TDRD6: variants seen among roughly 807,000 people sequenced by gnomAD.
TDRD6 encodes the protein tudor domain-containing protein 6.
In TDRD6, 186 loss-of-function variants were observed where a neutral mutation model predicts 157.5. The observed-to-expected ratio is 1.18, with a 90% CI of 1.05 to 1.33. TDRD6 has a LOEUF of 1.33. Among genes scored for constraint, TDRD6 ranks in the 40% most tolerant of loss-of-function variants. The probability of loss-of-function intolerance (pLI) is 0.00; values close to 1 mark genes in which losing one functional copy is unlikely to be tolerated. For missense variants in TDRD6, 3,066 were observed against 2,508.0 expected (o/e 1.22, Z -4.75); for synonymous variants, 1,075 against 945.2 (o/e 1.14, Z -2.52).
Position 46,692,402 on chromosome 6 carries a change from T to A in TDRD6, c.4274T>A (p.Val1425Asp). ...CIHCSLQGFE[V>D]PDNKNSKKMM... The stretch of plus-strand genomic sequence containing the variant: ...CATTGCTCCTTGCAGGGATTTGAGG[T>A]TCCTGACAATAAAAATTCTAAGAAA... The change falls in exon 1 of 4, where the codon GTT (valine) becomes GAT (aspartate). Residue 1425 changes from valine (V) to aspartate (D), a missense_variant. Val to Asp is a radical substitution (Grantham distance 152, BLOSUM62 -3). Transcript: ENST00000316081. The A allele has an allele frequency of 6.2e-7, 1 of 1,614,124 alleles. No homozygotes were observed. Among genetic ancestry groups the A allele is most frequent in the Non-Finnish European group, 8.5e-7 (1 of 1,180,012 alleles).
chr6:46,697,301 A>G (rs998587193), intron 2 of TDRD6, among the ~76,000 whole-genome samples: 1 of 151,902 alleles, frequency 6.6e-6, no homozygotes, highest in Non-Finnish European at 1.5e-5. Flanking sequence ...CACTGATGTT[A>G]TTTTCTAAAT....
In TDRD6 at chr6:46,693,339, A is replaced by G. The variant is rs768345711; in HGVS notation, c.5211A>G (p.Val1737=). The change falls in exon 1 of 4, where the codon GTA becomes GTG. Residue 1737 remains valine (V), a synonymous_variant. Transcript: ENST00000316081. Reference sequence around the variant, plus strand: ...TTAAGAAATTAAGTAATAAAGCTGTACAAAATAAAATATATATGGAACAAC... The same window carrying G: ...TTAAGAAATTAAGTAATAAAGCTGTGCAAAATAAAATATATATGGAACAAC... ...VGLKKLSNKA[V]QNKIYMEQQT... 1.9e-6 allele frequency: 3 copies of G among 1,604,632 alleles called. No homozygotes were observed. The highest frequency in any genetic ancestry group is 2.5e-6 in the Non-Finnish European group (3 of 1,177,504).
rs1277135918 is a variant in TDRD6 at position 46,688,198 on chromosome 6, C to T, written c.70C>T (p.His24Tyr). 1.9e-6 allele frequency: 3 copies of T among 1,547,314 alleles called. No individual in the cohort carries two copies. In the Admixed American group the frequency reaches 5.7e-5, roughly 30 times the overall value. Residue 24 changes from histidine (H) to tyrosine (Y), a missense_variant, in exon 1 of 4, where the codon CAT becomes TAT. By Grantham distance (83) the His-to-Tyr change is moderately conservative. Coordinates refer to ENST00000316081, the MANE Select transcript of TDRD6 (RefSeq NM_001010870.3). ...CCTGCGGGTGTCCTTCGTGGACGTG[C>T]ATCCCGATGTGATCCCGGTGCAGCT... is the stretch of plus-strand genomic sequence containing the variant. Reference protein sequence around the residue: ...LALRVSFVDVHPDVIPVQLWG... With the variant: ...LALRVSFVDVYPDVIPVQLWG...
chr6:46,696,082 C>A, intron 2 of TDRD6, 137 bp downstream of exon 2: 2 of 896,748 alleles, frequency 2.2e-6, no homozygotes, highest in Non-Finnish European at 3.3e-6. Flanking sequence ...TGATGTAATG[C>A]ACATATATTT....
Position 46,689,942 on chromosome 6 carries a change from T to A in TDRD6, c.1814T>A (p.Ile605Asn). The A allele has an allele frequency of 6.2e-7, 1 of 1,614,132 alleles. No homozygotes were observed. The highest frequency in any genetic ancestry group is 1.3e-5 in the African/African-American group (1 of 75,038). The change falls in exon 1 of 4, where the codon ATT (isoleucine) becomes AAT (asparagine). Residue 605 changes from isoleucine (I) to asparagine (N), a missense_variant. Physicochemically the swap from Ile to Asn is moderately radical, Grantham distance 149. Coordinates refer to ENST00000316081, the MANE Select transcript of TDRD6 (RefSeq NM_001010870.3). ...GCTGTGAAGTGCACCCTGGCTGATA[T>A]TTGGCCTTTGGGAAAAACTTGGAGC... ...ILAVKCTLAD[I>N]WPLGKTWSQE...
Position 46,701,853 on chromosome 6 carries a change from T to C in TDRD6, c.6262-5T>C, listed in dbSNP as rs1764634934. 2.5e-6 allele frequency: 4 copies of C among 1,612,846 alleles called. No individual in the cohort carries two copies. The highest frequency in any genetic ancestry group is 2.2e-5 in the South Asian group (2 of 90,988). On this transcript the variant is annotated splice_region_variant and splice_polypyrimidine_tract_variant and intron_variant, in intron 3 of 3. Transcript: ENST00000316081. Reference sequence around the variant, plus strand: ...CAGTTTGAAGTTTTTCTCTTTTTGTTTCAGAAAAGGGGTTTGGAGGTGATG... The same window carrying C: ...CAGTTTGAAGTTTTTCTCTTTTTGTCTCAGAAAAGGGGTTTGGAGGTGATG...
chr6:46,690,114 A>T lies in TDRD6; in HGVS notation c.1986A>T (p.Gln662His). ...AAAACATTAGTAAGGTAATTGCCCA[A>T]GCTGGATATGCCAAGTATCAGGAAT... Reference protein sequence around the residue: ...GEENISKVIAQAGYAKYQEFE... With the variant: ...GEENISKVIAHAGYAKYQEFE... Residue 662 changes from glutamine to histidine, a missense_variant, in exon 1 of 4, where the codon CAA becomes CAT. Coordinates refer to ENST00000316081, the MANE Select transcript of TDRD6 (RefSeq NM_001010870.3). 6.2e-7 allele frequency: 1 copy of T among 1,613,840 alleles called. No homozygotes were observed. The highest frequency in any genetic ancestry group is 8.5e-7 in the Non-Finnish European group (1 of 1,179,954).
In TDRD6 at chr6:46,691,730, A is replaced by T. The variant is rs1764328361; in HGVS notation, c.3602A>T (p.Tyr1201Phe). Residue 1201 changes from tyrosine (Y) to phenylalanine (F), a missense_variant, in exon 1 of 4, where the codon TAC becomes TTC. Physicochemically the swap from Tyr to Phe is conservative, Grantham distance 22 (BLOSUM62 3). Coordinates refer to ENST00000316081, the MANE Select transcript of TDRD6 (RefSeq NM_001010870.3). ...CTEYLSKSVGYKLPNKEILEE... is the reference protein window; with the variant it reads ...CTEYLSKSVGFKLPNKEILEE... ...GAGTATTTAAGTAAATCAGTAGGGT[A>T]CAAGTTACCTAATAAAGAAATTTTG... 2 of 1,596,074 alleles carry T rather than the reference A, an allele frequency of 1.3e-6. No individual in the cohort carries two copies. Among genetic ancestry groups the T allele is most frequent in the East Asian group, 4.5e-5 (2 of 44,754 alleles).
rs547323272 is a variant in TDRD6, at chr6:46,691,483, A to G, written c.3355A>G (p.Ile1119Val). The G allele has an allele frequency of 4.3e-6, 7 of 1,614,070 alleles. No individual in the cohort carries two copies. The South Asian group carries it at 5.5e-5, about 13-fold the overall frequency. The change falls in exon 1 of 4, where the codon ATT becomes GTT. Residue 1119 changes from isoleucine to valine, a missense_variant. Coordinates refer to ENST00000316081, the MANE Select transcript of TDRD6 (RefSeq NM_001010870.3). ...EEVVVWFQETILDKSLKALVV... is the reference protein window; with the variant it reads ...EEVVVWFQETVLDKSLKALVV... ...AGTGGTGGTGTGGTTTCAGGAGACT[A>G]TTTTAGATAAGTCATTGAAGGCTTT... is the stretch of plus-strand genomic sequence containing the variant.
At chr6:46,696,601 ATTTTTTTTTTT>A (rs1157915506) in intron 2 of TDRD6, among the ~76,000 whole-genome samples, 1 of 11,540 alleles carries the variant, frequency 8.7e-5, no homozygotes, top group African/African-American at 3.4e-4. Context: ...ATATATATAT[ATTTTTTTTTTT>A]TTTTTTTTTT....
chr6:46,700,686 T>A (rs1764602991), intron 3 of TDRD6, among the ~76,000 whole-genome samples: 1 of 152,134 alleles, frequency 6.6e-6, no homozygotes, highest in African/African-American at 2.4e-5. Context: ...TAACAGCCCC[T>A]TGAACAATGA....
Position 46,692,254 on chromosome 6 carries a change from G to A in TDRD6, c.4126G>A (p.Glu1376Lys). ...DNLWYRAVIK[E>K]QQPNDLLSVQ... ...TTTATGGTATCGTGCTGTGATCAAG[G>A]AGCAACAACCCAATGACCTTCTCTC... is the stretch of plus-strand genomic sequence containing the variant. The change falls in exon 1 of 4, where the codon GAG (glutamate) becomes AAG (lysine). Residue 1376 changes from glutamate (E) to lysine (K), a missense_variant. Transcript: ENST00000316081. The A allele has an allele frequency of 6.2e-7, 1 of 1,613,940 alleles. No homozygotes were observed. Among genetic ancestry groups the A allele is most frequent in the Non-Finnish European group, 8.5e-7 (1 of 1,179,912 alleles).
At chr6:46,695,990 TA>T (rs770122951) in intron 2 of TDRD6, 45 bp downstream of exon 2, 3 of 1,583,254 alleles carry the variant, frequency 1.9e-6, no homozygotes, top group Non-Finnish European at 2.6e-6. Flanking sequence ...ATTTGCAGAC[TA>T]TTAAGGAAAG....
chr6:46,688,160 G>A lies in TDRD6; in HGVS notation c.32G>A (p.Gly11Glu), dbSNP rs1031678577. The part of the protein sequence containing the change: MCSTPGMPAP[G>E]ASLALRVSFV... ...TCGACGCCCGGAATGCCGGCGCCGG[G>A]GGCCTCGCTGGCCCTGCGGGTGTCC... The change falls in exon 1 of 4, where the codon GGG becomes GAG. Residue 11 changes from glycine (G) to glutamate (E), a missense_variant. By Grantham distance (98) the Gly-to-Glu change is moderately conservative. Transcript: ENST00000316081. 6.5e-7 allele frequency: 1 copy of A among 1,545,368 alleles called. No homozygotes were observed. Among genetic ancestry groups the A allele is most frequent in the Non-Finnish European group, 8.7e-7 (1 of 1,152,248 alleles).
chr6:46,685,721 A>G (rs1263806116), upstream of TDRD6, among the ~76,000 whole-genome samples: 1 of 152,088 alleles, frequency 6.6e-6, no homozygotes, highest in Non-Finnish European at 1.5e-5. Context: ...CCTATGTAAC[A>G]AATCTGCACG....
At position 46,703,004 on chromosome 6, in the gene TDRD6, A is replaced by C. The variant is rs566730240; in HGVS notation, c.*1117A>C. On this transcript the variant is annotated 3_prime_UTR_variant, in exon 4 of 4. Transcript: ENST00000316081. Reference sequence around the variant, plus strand: ...CCCTGAAAAATACTCAGTGTGCACTATGTTAGGTTATTTCTTTTTAACCTT... The same window carrying C: ...CCCTGAAAAATACTCAGTGTGCACTCTGTTAGGTTATTTCTTTTTAACCTT... The C allele has an allele frequency of 6.6e-6, 1 of 152,110 alleles. No homozygotes were observed. The highest frequency in any genetic ancestry group is 2.1e-4 in the South Asian group (1 of 4,832). The allele number at this position is 152,110 out of a possible 1,614,324, so 9.4% of individuals were successfully genotyped here. A position where few individuals can be genotyped will look rare whatever the true frequency, so the allele number is the denominator to read the frequency against.
chr6:46,685,727 G>A (rs555054287), upstream of TDRD6, among the ~76,000 whole-genome samples: 7 of 151,780 alleles, frequency 4.6e-5, no homozygotes, highest in East Asian at 1.4e-3. Flanking sequence ...TAACAAATCT[G>A]CACGTTCTGT....
upstream of TDRD6, among the ~76,000 whole-genome samples, chr6:46,684,009 C>A (rs765670043): frequency 4.4e-4 from 67 of 152,170 alleles, no homozygotes; most frequent in Non-Finnish European, 8.1e-4. Context: ...GCCGTTATAT[C>A]CATTTTCAGA....
At chr6:46,686,441 CAGAG>C (rs1232440373), upstream of TDRD6, among the ~76,000 whole-genome samples, 1 of 118,672 alleles carries the variant, frequency 8.4e-6, no homozygotes, top group African/African-American at 3.3e-5. Flanking sequence ...CTGTGGCAAA[CAGAG>C]AGCTACAAAA....
Sources: gnomAD v4.1 joint callset for allele counts (sites outside exome capture counted in the v4.1 genomes callset) on GRCh38, gnomAD v4.1.1 for gene constraint, MANE v1.5 for transcripts, NCBI Gene and HGNC (gene_info 2026-07-23, HGNC 2026-07-21) for gene names.